The following TBC1D5 variants were observed in gnomAD, a reference collection of about 807,000 sequenced individuals.
The protein encoded by TBC1D5 is TBC1 domain family member 5, also known as TBC1 domain family, member 5.
A neutral mutation model predicts 100.3 loss-of-function variants in TBC1D5; 75 were observed. The ratio of observed to expected loss-of-function variants is 0.75; its 90% confidence interval spans 0.62 to 0.91. TBC1D5 has a LOEUF of 0.91. Ranked by LOEUF, TBC1D5 falls within the 40% of genes least tolerant of loss-of-function variation. The pLI, the probability that TBC1D5 is intolerant of heterozygous loss-of-function variation, is 0.00. For missense variants in TBC1D5, 910 were observed against 942.4 expected, an observed-to-expected ratio of 0.97 and a Z score of 0.45; for synonymous variants, 323 against 325.6, an observed-to-expected ratio of 0.99 and a Z score of 0.09.
At chr3:17,297,832 CT>C (rs1469250488) in intron 14 of TBC1D5, among the ~76,000 whole-genome samples, 4 of 151,896 alleles carry the variant, frequency 2.6e-5, no homozygotes, top group Non-Finnish European at 5.9e-5. Context: ...TCCAGTGATC[CT>C]GCTGCCTTGG....
intron 14 of TBC1D5, among the ~76,000 whole-genome samples, chr3:17,307,671 T>G (rs562876480): frequency 1.3e-5 from 2 of 152,302 alleles, no homozygotes; most frequent in African/African-American, 4.8e-5. Context: ...TAAACATATC[T>G]CAAATACTTG....
intron 1 of TBC1D5, chr3:17,644,053 A>G (rs1007552657): frequency 2.0e-5 from 3 of 152,088 alleles, no homozygotes; most frequent in African/African-American, 7.2e-5. Flanking sequence ...GTAAGGAGAT[A>G]TCTCTCAGAA....
chr3:17,321,411 AG>A (rs1391341322), intron 13 of TBC1D5, among the ~76,000 whole-genome samples: 1 of 152,250 alleles, frequency 6.6e-6, no homozygotes, highest in African/African-American at 2.4e-5. Flanking sequence ...TTTCTCCAAA[AG>A]GAAACACTTA....
At chr3:17,308,207 C>A in intron 13 of TBC1D5, 73 bp from the exon 14 acceptor site, 2 of 1,400,476 alleles carry the variant, frequency 1.4e-6, no homozygotes, top group South Asian at 1.7e-5. Flanking sequence ...TCTCAAGTAA[C>A]TGTGAAAAAC....
chr3:17,709,725 A>G (rs1168225575), intron 1 of TBC1D5, among the ~76,000 whole-genome samples: 1 of 152,194 alleles, frequency 6.6e-6, no homozygotes, highest in Non-Finnish European at 1.5e-5. Context: ...TTGTAGCTTA[A>G]AAAAAATTTT....
intron 1 of TBC1D5, among the ~76,000 whole-genome samples, chr3:17,708,984 A>G (rs1237720554): frequency 6.6e-6 from 1 of 152,206 alleles, no homozygotes; most frequent in Non-Finnish European, 1.5e-5. Flanking sequence ...AGCTTAAACG[A>G]GGTAAATTAC....
At chr3:17,359,879 TG>T (rs1383927191) in intron 13 of TBC1D5, among the ~76,000 whole-genome samples, 7 of 151,880 alleles carry the variant, frequency 4.6e-5, no homozygotes, top group African/African-American at 1.7e-4. Flanking sequence ...CGGAGACCCA[TG>T]AAATAAAAAA....
chr3:17,578,454 T>C (rs1319579864), intron 2 of TBC1D5, among the ~76,000 whole-genome samples: 1 of 152,072 alleles, frequency 6.6e-6, no homozygotes, highest in African/African-American at 2.4e-5. Flanking sequence ...TGTTATCAGA[T>C]TAAAATAATG....
At chr3:17,710,964 T>A (rs754421275) in intron 1 of TBC1D5, among the ~76,000 whole-genome samples, 3 of 152,196 alleles carry the variant, frequency 2.0e-5, no homozygotes, top group Non-Finnish European at 4.4e-5. Context: ...CCCAAAGTGC[T>A]AGAATTACAG....
At chr3:17,200,202 G>A (rs535520090) in intron 18 of TBC1D5, among the ~76,000 whole-genome samples, 3 of 152,322 alleles carry the variant, frequency 2.0e-5, no homozygotes, top group African/African-American at 4.8e-5. Context: ...ACTGACCAAA[G>A]TAACTTTGGA....
At chr3:17,648,544 G>A (rs1223301947) in intron 1 of TBC1D5, among the ~76,000 whole-genome samples, 1 of 151,974 alleles carries the variant, frequency 6.6e-6, no homozygotes. Context: ...AATAGACAAC[G>A]TACAGAATGG....
chr3:17,422,016 T>C (rs1361149811), intron 4 of TBC1D5, among the ~76,000 whole-genome samples: 4 of 152,144 alleles, frequency 2.6e-5, no homozygotes, highest in African/African-American at 7.2e-5. Context: ...CCTGGAAAAA[T>C]AATTAAAATG....
intron 1 of TBC1D5, among the ~76,000 whole-genome samples, chr3:17,649,470 TA>T (rs2065327737): frequency 2.6e-5 from 4 of 152,068 alleles, no homozygotes; most frequent in Middle Eastern, 3.4e-3. Flanking sequence ...AAACCTAAAA[TA>T]AAAGTTAAAA....
intron 1 of TBC1D5, among the ~76,000 whole-genome samples, chr3:17,627,671 T>A (rs892866579): frequency 2.0e-5 from 3 of 148,302 alleles, no homozygotes; most frequent in Non-Finnish European, 4.5e-5. Flanking sequence ...TTTTTTTTTT[T>A]GAGAGAGAGA....
At chr3:17,397,934 G>A (rs1343925685) in intron 8 of TBC1D5, among the ~76,000 whole-genome samples, 6 of 152,084 alleles carry the variant, frequency 3.9e-5, no homozygotes, top group Admixed American at 2.6e-4. Context: ...GAAAAGATGA[G>A]ACTATTTGGC....
chr3:17,233,777 G>A, intron 17 of TBC1D5, 27 bp from the exon 18 acceptor site: 2 of 1,453,128 alleles, frequency 1.4e-6, no homozygotes, highest in Non-Finnish European at 1.9e-6. Context: ...AAAATAATTA[G>A]ATTTCATAAA....
chr3:17,629,657 G>T (rs1474218328), intron 1 of TBC1D5, among the ~76,000 whole-genome samples: 1 of 152,174 alleles, frequency 6.6e-6, no homozygotes, highest in Admixed American at 6.5e-5. Flanking sequence ...AAACAGTGAT[G>T]TAAGTAGTCA....
chr3:17,521,518 C>T (rs563997688), intron 2 of TBC1D5, among the ~76,000 whole-genome samples: 1 of 152,250 alleles, frequency 6.6e-6, no homozygotes. Context: ...CAACAGTAGG[C>T]TATCAGTAGT....
intron 16 of TBC1D5, among the ~76,000 whole-genome samples, chr3:17,255,953 G>A (rs894144848): frequency 2.0e-5 from 3 of 152,052 alleles, no homozygotes; most frequent in African/African-American, 4.8e-5. Flanking sequence ...GGAGAATGGC[G>A]GGAACCCGGG....
Sources: gnomAD v4.1 joint callset for allele counts (sites outside exome capture counted in the v4.1 genomes callset) on GRCh38, gnomAD v4.1.1 for gene constraint, MANE v1.5 for transcripts, NCBI Gene and HGNC (gene_info 2026-07-23, HGNC 2026-07-21) for gene names.